The following IARS1 variants were observed in gnomAD, a reference collection of about 807,000 sequenced individuals.
The protein encoded by IARS1 is isoleucine--tRNA ligase, cytoplasmic.
Under a neutral mutation model 168.2 loss-of-function variants are expected in IARS1, and 124 were observed. The observed-to-expected ratio is 0.74, with a 90% CI of 0.64 to 0.86. IARS1 has a LOEUF of 0.86. IARS1 is among the 40% of genes least tolerant of loss of function. The probability of loss-of-function intolerance (pLI) is 0.00; values close to 1 mark genes in which losing one functional copy is unlikely to be tolerated. For missense variants in IARS1, 1,452 were observed against 1,515.8 expected, an observed-to-expected ratio of 0.96 and a Z score of 0.70; for synonymous variants, 532 against 529.4, an observed-to-expected ratio of 1.00 and a Z score of -0.07.
intron 9 of IARS1, among the ~76,000 whole-genome samples, chr9:92,275,067 C>A (rs2133901263): frequency 6.6e-6 from 1 of 152,340 alleles, no homozygotes. Context: ...TTTGCAACAG[C>A]AATATCATCA....
At chr9:92,258,153 G>A (rs1830993512) in intron 19 of IARS1, among the ~76,000 whole-genome samples, 1 of 152,142 alleles carries the variant, frequency 6.6e-6, no homozygotes, top group South Asian at 2.1e-4. Flanking sequence ...ATCTCAAGTG[G>A]CCAGCCCTAG....
chr9:92,224,017 T>C (rs757131651), intron 31 of IARS1, among the ~76,000 whole-genome samples: 19 of 152,082 alleles, frequency 1.2e-4, no homozygotes, highest in Non-Finnish European at 2.4e-4. Flanking sequence ...CCTCCAAATA[T>C]TGAGTGGAAA....
chr9:92,240,463 C>T, intron 30 of IARS1: 1 of 533,236 alleles, frequency 1.9e-6, no homozygotes, highest in African/African-American at 1.9e-5. Flanking sequence ...AGGGTTTCAC[C>T]ATGTTTATCA....
At chr9:92,279,356 G>A (rs1269293038) in intron 7 of IARS1, among the ~76,000 whole-genome samples, 1 of 152,134 alleles carries the variant, frequency 6.6e-6, no homozygotes, top group Non-Finnish European at 1.5e-5. Flanking sequence ...TCAGTCAGGT[G>A]GCTGCTGAGA....
intron 33 of IARS1, among the ~76,000 whole-genome samples, chr9:92,215,400 C>G (rs886112865): frequency 2.6e-4 from 40 of 152,206 alleles, no homozygotes; most frequent in Non-Finnish European, 4.6e-4. Flanking sequence ...TCCTCACCAG[C>G]AACGGAACAA....
At position 92,210,258 on chromosome 9, in the gene IARS1, C is replaced by T. The variant is rs957738463; in HGVS notation, c.*549G>A. 1 of 152,322 alleles carries T rather than the reference C, an allele frequency of 6.6e-6. No individual in the cohort carries two copies. The highest frequency in any genetic ancestry group is 2.4e-5 in the African/African-American group (1 of 41,432). 9.4% of individuals were successfully genotyped at this position (152,322 alleles called of 1,614,324 possible). A position where few individuals can be genotyped will look rare whatever the true frequency, so the allele number is the denominator to read the frequency against. On this transcript the variant is annotated 3_prime_UTR_variant, in exon 34 of 34. Transcript: ENST00000443024. ...CTAGTCCACTGTCTTAATAAGAAAC[C>T]ACCATGAAGTTTTTATGTTCTTCAA...
At chr9:92,257,666 C>A (rs1001041063) in intron 19 of IARS1, among the ~76,000 whole-genome samples, 12 of 152,212 alleles carry the variant, frequency 7.9e-5, no homozygotes, top group African/African-American at 2.9e-4. Flanking sequence ...ATTAGCAGAA[C>A]AACCAGAGCC....
chr9:92,229,818 T>C (rs1174179917), intron 30 of IARS1, among the ~76,000 whole-genome samples: 2 of 152,170 alleles, frequency 1.3e-5, no homozygotes, highest in East Asian at 3.9e-4. Context: ...GTTTTACTTT[T>C]ACTCACTGGG....
chr9:92,279,886 T>C (rs1340073041), intron 7 of IARS1, among the ~76,000 whole-genome samples: 1 of 152,226 alleles, frequency 6.6e-6, no homozygotes, highest in Non-Finnish European at 1.5e-5. Context: ...AATAGAATCA[T>C]GTAGTATCTG....
At chr9:92,241,554 C>T (rs1587765679) in intron 29 of IARS1, among the ~76,000 whole-genome samples, 1 of 152,154 alleles carries the variant, frequency 6.6e-6, no homozygotes, top group Admixed American at 6.5e-5. Context: ...CCAGCCCAGG[C>T]TGGTCTCGCA....
chr9:92,227,665 G>A (rs1250380746), intron 31 of IARS1, among the ~76,000 whole-genome samples: 8 of 151,606 alleles, frequency 5.3e-5, no homozygotes, highest in Non-Finnish European at 1.0e-4. Context: ...CAGACGGGGC[G>A]GCCGGGCAGA....
intron 32 of IARS1, 43 bp from the exon 33 acceptor site, chr9:92,222,715 C>T (rs1192810780): frequency 6.2e-7 from 1 of 1,605,670 alleles, no homozygotes; most frequent in African/African-American, 1.3e-5. Context: ...CGAGAGTTCA[C>T]CCTCTAGCTC....
intron 6 of IARS1, among the ~76,000 whole-genome samples, 199 bp from the exon 7 acceptor site, chr9:92,281,092 CACCTTAGT>C (rs1564186850): frequency 6.6e-6 from 1 of 151,062 alleles, no homozygotes; most frequent in Non-Finnish European, 1.5e-5. Flanking sequence ...TTTTAATCAT[CACCTTAGT>C]AGTCTCAAAA....
At chr9:92,250,048 G>A (rs1829784595) in intron 24 of IARS1, 107 bp from the exon 25 acceptor site, 2 of 867,712 alleles carry the variant, frequency 2.3e-6, no homozygotes, top group Admixed American at 3.6e-5. Context: ...AGTCAGGCTG[G>A]ACTAGTACTA....
intron 33 of IARS1, among the ~76,000 whole-genome samples, chr9:92,213,760 G>C (rs761771559): frequency 2.0e-5 from 3 of 152,206 alleles, no homozygotes; most frequent in Non-Finnish European, 2.9e-5. Flanking sequence ...AGTAGGGATA[G>C]ACAGATCCTG....
chr9:92,275,315 G>A (rs1275495347), intron 9 of IARS1, among the ~76,000 whole-genome samples: 1 of 152,156 alleles, frequency 6.6e-6, no homozygotes, highest in Middle Eastern at 3.2e-3. Flanking sequence ...AGCAAGCTCA[G>A]AACAAAGATT....
At chr9:92,264,683 T>C (rs1832029220) in intron 16 of IARS1, among the ~76,000 whole-genome samples, 1 of 152,158 alleles carries the variant, frequency 6.6e-6, no homozygotes, top group Non-Finnish European at 1.5e-5. Flanking sequence ...GTAACACATA[T>C]ATTCCAAAAT....
At chr9:92,228,380 T>A (rs1826096332) in intron 31 of IARS1, among the ~76,000 whole-genome samples, 1 of 152,062 alleles carries the variant, frequency 6.6e-6, no homozygotes, top group African/African-American at 2.4e-5. Context: ...TTATTGAGAA[T>A]CCAGACTTAG....
At chr9:92,291,062 T>C (rs1465074804) in intron 1 of IARS1, among the ~76,000 whole-genome samples, 1 of 152,140 alleles carries the variant, frequency 6.6e-6, no homozygotes, top group Non-Finnish European at 1.5e-5. Context: ...TCTTAAAGTG[T>C]CTTTTTAAAT....
Sources: allele counts gnomAD v4.1 joint callset (sites outside exome capture counted in the v4.1 genomes callset), GRCh38; gene constraint gnomAD v4.1.1; transcripts MANE v1.5; gene names NCBI Gene and HGNC (gene_info 2026-07-23, HGNC 2026-07-21).